Variants in VAPA observed in about 807,000 individuals in gnomAD.
The protein encoded by VAPA is VAMP associated protein A, also known as vesicle-associated membrane protein-associated protein A.
In VAPA, 6 loss-of-function variants were observed where a neutral mutation model predicts 25.6. The observed-to-expected ratio is 0.23, with a 90% CI of 0.13 to 0.46. The LOEUF (loss-of-function observed/expected upper bound fraction) is 0.46, where lower values mean the gene tolerates loss of function less well. VAPA is among the 20% of genes least tolerant of loss of function. The pLI is 0.99. For synonymous variants in VAPA, 112 were observed against 106.2 expected (o/e 1.05, Z -0.34); for missense variants, 244 against 302.1 (o/e 0.81, Z 1.43).
intron 2 of VAPA, among the ~76,000 whole-genome samples, chr18:9,934,617 CT>C (rs367800242): frequency 2.0e-4 from 30 of 152,188 alleles, no homozygotes; most frequent in African/African-American, 6.5e-4. Context: ...CCGTGTTTAT[CT>C]TTTTGAAAGT....
chr18:9,930,564 T>C (rs956980368), intron 1 of VAPA, among the ~76,000 whole-genome samples: 5 of 152,114 alleles, frequency 3.3e-5, no homozygotes, highest in Admixed American at 6.6e-5. Context: ...CAGATGCTTT[T>C]CAAAAAGATA....
Position 9,914,317 on chromosome 18 carries a change from A to G in VAPA, c.61A>G (p.Thr21Ala), listed in dbSNP as rs2069090857. ...HEQILVLDPP[T>A]DLKFKGPFTD... ...GCAGATCCTGGTCCTCGATCCGCCC[A>G]CAGACCTCAAATTCAAAGGTAGGCA... The change falls in exon 1 of 6, where the codon ACA (threonine) becomes GCA (alanine). Residue 21 changes from threonine to alanine, a missense_variant. Coordinates refer to ENST00000400000, the MANE Select transcript of VAPA (RefSeq NM_194434.3). The G allele has an allele frequency of 6.3e-7, 1 of 1,584,636 alleles. No individual in the cohort carries two copies. The highest frequency in any genetic ancestry group is 8.6e-7 in the Non-Finnish European group (1 of 1,167,068).
intron 4 of VAPA, chr18:9,947,588 T>G (rs375632913): frequency 6.6e-6 from 1 of 152,222 alleles, no homozygotes; most frequent in Non-Finnish European, 1.5e-5. Context: ...TTCCAGCTTA[T>G]TCTGAATTGC....
chr18:9,952,175 G>A (rs1351577706), intron 5 of VAPA, among the ~76,000 whole-genome samples: 2 of 152,210 alleles, frequency 1.3e-5, no homozygotes, highest in Non-Finnish European at 2.9e-5. Context: ...AACCAGGGAA[G>A]TAGGTGAGAG....
At chr18:9,930,404 G>GT (rs1246339799) in intron 1 of VAPA, among the ~76,000 whole-genome samples, 1 of 152,090 alleles carries the variant, frequency 6.6e-6, no homozygotes, top group East Asian at 1.9e-4. Context: ...GTTTGAGAAT[G>GT]TTAAGAAATG....
intron 1 of VAPA, among the ~76,000 whole-genome samples, chr18:9,930,301 T>G (rs2069240656): frequency 6.6e-6 from 1 of 152,176 alleles, no homozygotes; most frequent in Non-Finnish European, 1.5e-5. Flanking sequence ...AAATTGGATC[T>G]TTATTTTAAT....
chr18:9,930,812 C>T (rs2069246956), intron 1 of VAPA, among the ~76,000 whole-genome samples: 2 of 151,974 alleles, frequency 1.3e-5, no homozygotes, highest in Non-Finnish European at 1.5e-5. Context: ...TCCTTCCTCT[C>T]ATCCTAGTTC....
At chr18:9,914,371 G>A in intron 1 of VAPA, 36 bp downstream of exon 1, 1 of 1,540,376 alleles carries the variant, frequency 6.5e-7, no homozygotes, top group Non-Finnish European at 8.7e-7. Context: ...GTGGGGTGGG[G>A]CGCGCGGACC....
rs567755811 is a variant in VAPA, at chr18:9,933,846, T to C, written c.232+1884T>C. 3.9e-5 allele frequency among the ~76,000 whole-genome samples: 6 copies of C among 152,264 alleles called. No homozygotes were observed. In the South Asian group the frequency reaches 8.3e-4, roughly 21 times the overall value. ...AGCCACTGCGCCTGGCCAGAAGATA[T>C]AATTATTTCAATCCACATGGCTAAA... is the stretch of plus-strand genomic sequence containing the variant. On this transcript the variant is annotated intron_variant, in intron 2 of 5. Coordinates refer to ENST00000400000, the MANE Select transcript of VAPA (RefSeq NM_194434.3).
At chr18:9,947,798 A>G (rs1004728036) in intron 4 of VAPA, 1 of 152,192 alleles carries the variant, frequency 6.6e-6, no homozygotes, top group East Asian at 1.9e-4. Flanking sequence ...ATATACTTAA[A>G]GTTACACCTG....
At chr18:9,950,665 C>G in intron 5 of VAPA, 97 bp downstream of exon 5, 2 of 1,360,330 alleles carry the variant, frequency 1.5e-6, no homozygotes, top group South Asian at 1.5e-5. Flanking sequence ...TAAATTTTTG[C>G]TTGGTCAGTT....
At chr18:9,934,828 C>T (rs1461635937) in intron 2 of VAPA, among the ~76,000 whole-genome samples, 1 of 152,152 alleles carries the variant, frequency 6.6e-6, no homozygotes, top group African/African-American at 2.4e-5. Context: ...TTAAAAATTG[C>T]TCACGCCTGT....
intron 4 of VAPA, among the ~76,000 whole-genome samples, chr18:9,942,428 A>AT (rs149650125): frequency 0.072 from 10,859 of 151,266 alleles, 421 homozygotes; most frequent in South Asian, 0.14. Flanking sequence ...GAACTTTATG[A>AT]TTTTTTTTTA....
chr18:9,950,576 C>A lies in VAPA; in HGVS notation c.591+8C>A. 1.2e-6 allele frequency: 2 copies of A among 1,607,470 alleles called. No individual in the cohort carries two copies. The highest frequency in any genetic ancestry group is 1.1e-5 in the South Asian group (1 of 89,650). The stretch of plus-strand genomic sequence containing the variant: ...GAAAATCGGCACCTGAGAGTAAGTT[C>A]TGTTGGTTGAAAATAAATTGATTGA... On this transcript the variant is annotated splice_region_variant and intron_variant, in intron 5 of 5. Transcript: ENST00000400000.
In VAPA at chr18:9,959,303, C is replaced by CT. The variant is rs1187932793; in HGVS notation, c.*5095dup. On this transcript the variant is annotated 3_prime_UTR_variant, in exon 6 of 6. Coordinates refer to ENST00000400000, the MANE Select transcript of VAPA (RefSeq NM_194434.3). The stretch of plus-strand genomic sequence containing the variant: ...TGGAGTACTATTATTTGTGAAATGT[C>CT]TTTAAGATTTTTGGTCTTAAATTTT... The CT allele has an allele frequency of 1.3e-5, 2 of 152,164 alleles. No individual in the cohort carries two copies. Among genetic ancestry groups the CT allele is most frequent in the African/African-American group, 4.8e-5 (2 of 41,428 alleles). The allele number at this position is 152,164 out of a possible 1,614,324, so 9.4% of individuals were successfully genotyped here.
At position 9,958,057 on chromosome 18, in the gene VAPA, A is replaced by G; in HGVS notation, c.*3846A>G. On this transcript the variant is annotated 3_prime_UTR_variant, in exon 6 of 6. Coordinates refer to ENST00000400000, the MANE Select transcript of VAPA (RefSeq NM_194434.3). ...TGACACAGTGTGTGCACTTCAGGCA[A>G]TTTTTGGAAAATATAAAAAATTCCA... 1 of 152,236 alleles carries G rather than the reference A, an allele frequency of 6.6e-6. No individual in the cohort carries two copies. 9.4% of individuals were successfully genotyped at this position (152,236 alleles called of 1,614,324 possible). A position where few individuals can be genotyped will look rare whatever the true frequency, so the allele number is the denominator to read the frequency against.
chr18:9,928,219 T>G (rs563451285), intron 1 of VAPA, among the ~76,000 whole-genome samples: 2 of 152,294 alleles, frequency 1.3e-5, no homozygotes, highest in South Asian at 4.1e-4. Context: ...GCATCAGATG[T>G]TCACTTTGTC....
intron 4 of VAPA, chr18:9,949,467 G>GCC: frequency 6.6e-6 from 1 of 152,170 alleles, no homozygotes; most frequent in Non-Finnish European, 1.5e-5. Flanking sequence ...CAGCTGGGAT[G>GCC]GTGTGGTAGG....
chr18:9,950,912 G>A (rs1480534413), intron 5 of VAPA: 3 of 224,278 alleles, frequency 1.3e-5, no homozygotes, highest in African/African-American at 7.0e-5. Context: ...AGTCACCTAG[G>A]GCTGTTGAGC....
Sources: allele counts gnomAD v4.1 joint callset (sites outside exome capture counted in the v4.1 genomes callset), GRCh38; gene constraint gnomAD v4.1.1; transcripts MANE v1.5; gene names NCBI Gene and HGNC (gene_info 2026-07-23, HGNC 2026-07-21).